PHYHIPL: variants seen among roughly 807,000 people sequenced by gnomAD.
The protein encoded by PHYHIPL is phytanoyl-CoA hydroxylase-interacting protein-like.
In PHYHIPL, 9 loss-of-function variants were observed where a neutral mutation model predicts 33.4. The observed-to-expected ratio is 0.27, with a 90% CI of 0.16 to 0.47. PHYHIPL has a LOEUF of 0.47. PHYHIPL is among the 20% of genes least tolerant of loss of function. The pLI, the probability that PHYHIPL is intolerant of heterozygous loss-of-function variation, is 0.99. For missense variants in PHYHIPL, 365 were observed against 460.7 expected (o/e 0.79, Z 1.90); for synonymous variants, 153 against 154.1 (o/e 0.99, Z 0.05).
intron 1 of PHYHIPL, among the ~76,000 whole-genome samples, chr10:59,231,538 A>G (rs1471483987): frequency 6.6e-6 from 1 of 152,160 alleles, no homozygotes; most frequent in Non-Finnish European, 1.5e-5. Context: ...ACAGCACTTA[A>G]TATTTATGAA....
chr10:59,185,426 C>T (rs1383493292), intron 1 of PHYHIPL, among the ~76,000 whole-genome samples: 6 of 152,242 alleles, frequency 3.9e-5, no homozygotes, highest in East Asian at 1.9e-4. Context: ...AATAAACATA[C>T]GTGTGCATGT....
chr10:59,211,929 A>G (rs1839460329), intron 1 of PHYHIPL, among the ~76,000 whole-genome samples: 1 of 152,132 alleles, frequency 6.6e-6, no homozygotes, highest in Admixed American at 6.5e-5. Flanking sequence ...TCTAAAACTG[A>G]TGTTGGAACT....
intron 1 of PHYHIPL, among the ~76,000 whole-genome samples, chr10:59,183,996 T>C (rs1838488408): frequency 6.6e-6 from 1 of 152,216 alleles, no homozygotes; most frequent in Non-Finnish European, 1.5e-5. Flanking sequence ...CTTCCATGAA[T>C]TTGAATATTG....
chr10:59,185,754 A>G (rs1327019278), intron 1 of PHYHIPL, among the ~76,000 whole-genome samples: 1 of 152,154 alleles, frequency 6.6e-6, no homozygotes, highest in East Asian at 1.9e-4. Flanking sequence ...TTGGCTGCGT[A>G]AATGTCTTCT....
At chr10:59,232,853 A>G (rs1840118810) in intron 1 of PHYHIPL, among the ~76,000 whole-genome samples, 1 of 151,968 alleles carries the variant, frequency 6.6e-6, no homozygotes, top group Admixed American at 6.6e-5. Context: ...TCAAAATAGT[A>G]CAAAATTACT....
chr10:59,178,618 C>T (rs966499891), intron 1 of PHYHIPL, among the ~76,000 whole-genome samples: 1 of 152,210 alleles, frequency 6.6e-6, no homozygotes, highest in Non-Finnish European at 1.5e-5. Context: ...CATTCTTGTA[C>T]TCAATGGAAT....
At chr10:59,241,431 A>C (rs1020617033) in intron 4 of PHYHIPL, among the ~76,000 whole-genome samples, 1 of 152,096 alleles carries the variant, frequency 6.6e-6, no homozygotes, top group African/African-American at 2.4e-5. Flanking sequence ...CCAAATGAAA[A>C]CACCACTTTC....
intron 4 of PHYHIPL, among the ~76,000 whole-genome samples, chr10:59,242,685 G>A (rs936521029): frequency 4.6e-5 from 7 of 151,886 alleles, no homozygotes; most frequent in African/African-American, 1.7e-4. Flanking sequence ...ACATAAAAAC[G>A]GAAGCAGCAA....
At chr10:59,179,996 A>G (rs1838358958) in intron 1 of PHYHIPL, among the ~76,000 whole-genome samples, 1 of 151,692 alleles carries the variant, frequency 6.6e-6, no homozygotes, top group Non-Finnish European at 1.5e-5. Flanking sequence ...TTCTATTCCT[A>G]TTGCAAGTAG....
chr10:59,179,932 G>C (rs1214101647), intron 1 of PHYHIPL, among the ~76,000 whole-genome samples: 1 of 149,482 alleles, frequency 6.7e-6, no homozygotes, highest in Non-Finnish European at 1.5e-5. Flanking sequence ...TTGTTTGCCA[G>C]GACCTGGTCC....
Position 59,176,845 on chromosome 10 carries a change from G to T in PHYHIPL, c.-9G>T. 6.2e-7 allele frequency: 1 copy of T among 1,610,630 alleles called. No individual in the cohort carries two copies. Among genetic ancestry groups the T allele is most frequent in the Non-Finnish European group, 8.5e-7 (1 of 1,178,516 alleles). ...ACGAAGCAGGCGGGCTTCAGAGTGGGTTGGAAAAATGGAGGTGCCGCGCCT... is the reference window on the plus strand; with the variant it reads ...ACGAAGCAGGCGGGCTTCAGAGTGGTTTGGAAAAATGGAGGTGCCGCGCCT... On this transcript the variant is annotated 5_prime_UTR_variant, in exon 1 of 5. Transcript: ENST00000373880.
chr10:59,228,126 A>G (rs375768944), intron 1 of PHYHIPL, among the ~76,000 whole-genome samples: 2 of 152,126 alleles, frequency 1.3e-5, no homozygotes, highest in African/African-American at 2.4e-5. Context: ...ATAAAAAAAT[A>G]GATATGCCCC....
intron 1 of PHYHIPL, among the ~76,000 whole-genome samples, chr10:59,230,246 C>T (rs1564456886): frequency 8.4e-6 from 1 of 118,920 alleles, no homozygotes; most frequent in Non-Finnish European, 1.6e-5. Flanking sequence ...CAAGGTCTTA[C>T]TCTGTCCCCC....
At chr10:59,175,208 T>C (rs1838228766), upstream of PHYHIPL, among the ~76,000 whole-genome samples, 1 of 152,218 alleles carries the variant, frequency 6.6e-6, no homozygotes, top group South Asian at 2.1e-4. Flanking sequence ...AAGACAAGAA[T>C]TCTTTCAAAC....
At chr10:59,190,554 A>T (rs1472458529) in intron 1 of PHYHIPL, among the ~76,000 whole-genome samples, 1 of 151,846 alleles carries the variant, frequency 6.6e-6, no homozygotes, top group African/African-American at 2.4e-5. Context: ...AGAACAGTTG[A>T]TTTATTTTCC....
In PHYHIPL at chr10:59,246,493, T is replaced by C. The variant is rs1350269211; in HGVS notation, c.*902T>C. 3 of 388,244 alleles carry C rather than the reference T, an allele frequency of 7.7e-6. No individual in the cohort carries two copies. The highest frequency in any genetic ancestry group is 7.3e-5 in the East Asian group (2 of 27,408). The allele number at this position is 388,244 out of a possible 1,614,324, so 24.0% of individuals were successfully genotyped here. On this transcript the variant is annotated 3_prime_UTR_variant, in exon 5 of 5. Coordinates refer to ENST00000373880, the MANE Select transcript of PHYHIPL (RefSeq NM_032439.4). ...CATCATACTTAAACATTACAGAAAA[T>C]AGAAATACAAACAAGGTTGGTACAT... is the stretch of plus-strand genomic sequence containing the variant.
At chr10:59,225,121 A>G (rs1839890180) in intron 1 of PHYHIPL, among the ~76,000 whole-genome samples, 1 of 140,380 alleles carries the variant, frequency 7.1e-6, no homozygotes, top group Non-Finnish European at 1.6e-5. Context: ...TATCCCCTCC[A>G]TAAGACCTGG....
chr10:59,193,698 T>C (rs188137136), intron 1 of PHYHIPL, among the ~76,000 whole-genome samples: 1 of 152,252 alleles, frequency 6.6e-6, no homozygotes, highest in Admixed American at 6.5e-5. Context: ...TATGGTTTTT[T>C]AGTTTTTGTA....
At chr10:59,234,240 A>G (rs1246306961) in intron 1 of PHYHIPL, 64 bp from the exon 2 acceptor site, 1 of 1,291,598 alleles carries the variant, frequency 7.7e-7, no homozygotes, top group Non-Finnish European at 1.1e-6. Flanking sequence ...AAATCCATTA[A>G]TTGGAAATAA....
Sources: gnomAD v4.1 joint callset for allele counts (sites outside exome capture counted in the v4.1 genomes callset) on GRCh38, gnomAD v4.1.1 for gene constraint, MANE v1.5 for transcripts, NCBI Gene and HGNC (gene_info 2026-07-23, HGNC 2026-07-21) for gene names.